Variants in ZNF532 observed in about 807,000 individuals in gnomAD.
The protein encoded by ZNF532 is zinc finger protein 532.
ZNF532 carries 22 observed loss-of-function variants against 89.3 expected under a neutral mutation model. That is an observed-to-expected ratio of 0.25 (90% CI 0.18 to 0.35). The LOEUF (loss-of-function observed/expected upper bound fraction) is 0.35. ZNF532 is among the 10% of genes least tolerant of loss of function. ZNF532 has a pLI of 1.00. For missense variants in ZNF532, 1,132 were observed against 1,643.4 expected, an observed-to-expected ratio of 0.69 and a Z score of 5.38; for synonymous variants, 606 against 649.6, an observed-to-expected ratio of 0.93 and a Z score of 1.02.
chr18:58,932,919 T>A (rs2062077975), intron 3 of ZNF532, among the ~76,000 whole-genome samples: 1 of 152,120 alleles, frequency 6.6e-6, no homozygotes, highest in South Asian at 2.1e-4. Flanking sequence ...TATAAATGTT[T>A]TTTGACTTCT....
intron 7 of ZNF532, among the ~76,000 whole-genome samples, chr18:58,968,558 C>T (rs1229173094): frequency 1.3e-5 from 2 of 152,196 alleles, no homozygotes; most frequent in African/African-American, 4.8e-5. Context: ...TCTCCCTTGT[C>T]CTCTCTCAAT....
intron 4 of ZNF532, among the ~76,000 whole-genome samples, chr18:58,938,348 T>C (rs1364951090): frequency 6.6e-6 from 1 of 152,202 alleles, no homozygotes; most frequent in Non-Finnish European, 1.5e-5. Flanking sequence ...GTGTAAGTGT[T>C]GCTTAGAGTC....
intron 2 of ZNF532, among the ~76,000 whole-genome samples, chr18:58,913,031 G>T (rs756370051): frequency 5.3e-5 from 8 of 152,226 alleles, no homozygotes; most frequent in Admixed American, 1.3e-4. Flanking sequence ...TTGGTGTTTG[G>T]AATGGAAATG....
chr18:58,962,089 G>A (rs917107889), intron 7 of ZNF532, among the ~76,000 whole-genome samples: 2 of 152,134 alleles, frequency 1.3e-5, no homozygotes, highest in African/African-American at 4.8e-5. Flanking sequence ...AGCTGGGCAT[G>A]GTGGCGGGCA....
intron 2 of ZNF532, among the ~76,000 whole-genome samples, chr18:58,886,356 T>G: frequency 6.6e-6 from 1 of 152,200 alleles, no homozygotes; most frequent in East Asian, 1.9e-4. Context: ...CTTATTTTAT[T>G]TTAAGGTAGT....
intron 7 of ZNF532, among the ~76,000 whole-genome samples, chr18:58,959,128 C>T (rs138173344): frequency 3.6e-3 from 544 of 152,260 alleles, no homozygotes; most frequent in Non-Finnish European, 7.0e-3. Flanking sequence ...TCATTTGCTG[C>T]CTGGTTCTCC....
chr18:58,953,837 G>C, intron 7 of ZNF532, 38 bp downstream of exon 7: 1 of 1,582,884 alleles, frequency 6.3e-7, no homozygotes, highest in Non-Finnish European at 8.6e-7. Flanking sequence ...GTGAGTGCAA[G>C]AGAGGGCACT....
Position 58,919,167 on chromosome 18 carries a change from T to A in ZNF532, c.880T>A (p.Ser294Thr). 1 of 1,614,122 alleles carries A rather than the reference T, an allele frequency of 6.2e-7. No individual in the cohort carries two copies. Among genetic ancestry groups the A allele is most frequent in the Non-Finnish European group, 8.5e-7 (1 of 1,180,026 alleles). ...SDSCKEPVAN[S>T]RESSPLPKEV... ...CTCCTGCAAAGAACCAGTGGCCAATTCGAGGGAATCCTCCCCGTTACCAAA... is the reference window on the plus strand; with the variant it reads ...CTCCTGCAAAGAACCAGTGGCCAATACGAGGGAATCCTCCCCGTTACCAAA... The change falls in exon 3 of 10, where the codon TCG (serine) becomes ACG (threonine). Residue 294 changes from serine to threonine, a missense_variant. Physicochemically the swap from Ser to Thr is moderately conservative, Grantham distance 58. Coordinates refer to ENST00000591808, the MANE Select transcript of ZNF532 (RefSeq NM_001375912.1). The surrounding 1 kb of genome is among the most constrained non-coding windows in gnomAD (Gnocchi z 6.1).
In ZNF532 at chr18:58,959,626, G is replaced by A. The variant is rs1352779421; in HGVS notation, c.3150+5827G>A. Among the ~76,000 whole-genome samples the A allele has an allele frequency of 3.9e-5, 6 of 152,030 alleles. No individual in the cohort carries two copies. In the South Asian group the frequency reaches 8.3e-4, roughly 21 times the overall value. On this transcript the variant is annotated intron_variant, in intron 7 of 9. Transcript: ENST00000591808. ...ACTTGGGAAGAGCCTGGGAGACTTG[G>A]GTATATATTCTGGCACCACAACTAC...
chr18:58,888,719 ATATATAAATTATATATATATATTT>A lies in ZNF532; in HGVS notation c.-18+23147_-18+23170del, dbSNP rs2058506076. 4.8e-4 allele frequency among the ~76,000 whole-genome samples: 20 copies of A among 42,100 alleles called. No homozygotes were observed. In the East Asian group the frequency reaches 5.7e-3, roughly 12 times the overall value. 27.6% of individuals were successfully genotyped at this position (42,100 alleles called of 152,430 possible). ...AAATTATATATATATATATATATAT[ATATATAAATTATATATATATATTT>A]TATATATATATAAAATTAATATATA... On this transcript the variant is annotated intron_variant, in intron 2 of 9. Transcript: ENST00000591808.
chr18:58,962,834 C>G (rs2065498523), intron 7 of ZNF532, among the ~76,000 whole-genome samples: 1 of 152,100 alleles, frequency 6.6e-6, no homozygotes, highest in Admixed American at 6.5e-5. Context: ...ATCTTCTGAC[C>G]TCGTGATCTG....
At chr18:58,954,711 C>CT (rs11416830) in intron 7 of ZNF532, among the ~76,000 whole-genome samples, 11,419 of 106,226 alleles carry the variant, frequency 0.11, 1,334 homozygotes, top group African/African-American at 0.28. Flanking sequence ...GAATTTGCTA[C>CT]TTTTTTTTTT....
intron 2 of ZNF532, among the ~76,000 whole-genome samples, chr18:58,875,051 T>C (rs1250736581): frequency 6.6e-6 from 1 of 152,220 alleles, no homozygotes; most frequent in Non-Finnish European, 1.5e-5. Flanking sequence ...AAGATACATA[T>C]CAGGTTTTGA....
chr18:58,925,194 T>G (rs2061430350), intron 3 of ZNF532, among the ~76,000 whole-genome samples: 1 of 152,228 alleles, frequency 6.6e-6, no homozygotes, highest in Admixed American at 6.5e-5. Flanking sequence ...ACTCTTAAAC[T>G]GTTTTTCAGA....
chr18:58,937,427 G>A (rs1213467751), intron 4 of ZNF532, among the ~76,000 whole-genome samples: 1 of 152,178 alleles, frequency 6.6e-6, no homozygotes, highest in Admixed American at 6.5e-5. Flanking sequence ...TCTCCATGGT[G>A]TTCTCTGGAT....
chr18:58,964,582 TAC>T (rs1324840062), intron 7 of ZNF532, among the ~76,000 whole-genome samples: 20 of 145,960 alleles, frequency 1.4e-4, no homozygotes, highest in Non-Finnish European at 2.3e-4. Flanking sequence ...TGTGTGTGTA[TAC>T]ACAGTTTTTC....
intron 8 of ZNF532, chr18:58,981,115 C>T (rs1002775683): frequency 4.2e-6 from 1 of 236,572 alleles, no homozygotes; most frequent in African/African-American, 2.3e-5. Flanking sequence ...GCGCTGGACA[C>T]TCATGTCTTT....
chr18:58,960,184 C>T (rs1334092748), intron 7 of ZNF532, among the ~76,000 whole-genome samples: 1 of 152,134 alleles, frequency 6.6e-6, no homozygotes, highest in East Asian at 1.9e-4. Flanking sequence ...AGTGGGATTA[C>T]AGGCATGAGC....
chr18:58,973,681 T>C (rs1336148102), intron 7 of ZNF532, among the ~76,000 whole-genome samples: 2 of 152,146 alleles, frequency 1.3e-5, no homozygotes, highest in African/African-American at 4.8e-5. Flanking sequence ...AGATGAATGA[T>C]TATAGTAAAT....
Sources: gnomAD v4.1 joint callset for allele counts (sites outside exome capture counted in the v4.1 genomes callset) on GRCh38, gnomAD v4.1.1 for gene constraint, Gnocchi (gnomAD v3.1) non-coding constraint, MANE v1.5 for transcripts, NCBI Gene and HGNC (gene_info 2026-07-23, HGNC 2026-07-21) for gene names.